The following PCDHGA9 variants were observed in gnomAD, a reference collection of about 807,000 sequenced individuals.
PCDHGA9 encodes protocadherin gamma-A9.
Under a neutral mutation model 62.5 loss-of-function variants are expected in PCDHGA9, and 37 were observed. That is an observed-to-expected ratio of 0.59 (90% CI 0.46 to 0.78). The LOEUF is 0.78. PCDHGA9 is among the 30% of genes least tolerant of loss of function. PCDHGA9 has a pLI of 0.00. For synonymous variants in PCDHGA9, 459 were observed against 484.6 expected, an observed-to-expected ratio of 0.95 and a Z score of 0.69; for missense variants, 1,138 against 1,166.2, an observed-to-expected ratio of 0.98 and a Z score of 0.35.
rs1370450155 is a variant in PCDHGA9, at chr5:141,431,480, G to T, written c.2424+26104G>T. On this transcript the variant is annotated intron_variant, in intron 1 of 3. Coordinates refer to ENST00000573521, the MANE Select transcript of PCDHGA9 (RefSeq NM_018921.3). This position sits in a 1 kb window ranked among gnomAD's most constrained non-coding sequence, Gnocchi z 4.8. Reference sequence around the variant, plus strand: ...TCTGGATGCGAACGACAACGCACCAGCGTTTGCTCAGCCCGAGTACCGCGC... The same window carrying T: ...TCTGGATGCGAACGACAACGCACCATCGTTTGCTCAGCCCGAGTACCGCGC... 3 of 1,613,924 alleles carry T rather than the reference G, an allele frequency of 1.9e-6. No individual in the cohort carries two copies. Among genetic ancestry groups the T allele is most frequent in the Non-Finnish European group, 2.5e-6 (3 of 1,179,990 alleles).
rs1307889557 is a variant in PCDHGA9, at chr5:141,486,267, C to G, written c.2425-8540C>G. On this transcript the variant is annotated intron_variant, in intron 1 of 3. Transcript: ENST00000573521. The surrounding 1 kb of genome is among the most constrained non-coding windows in gnomAD (Gnocchi z 5.0). ...GGAACCCTCCCCGAGAGTGCAGAAC[C>G]TGGCACTGTGGTGGCACTTATCAGT... 1 of 1,614,128 alleles carries G rather than the reference C, an allele frequency of 6.2e-7. No homozygotes were observed. Among genetic ancestry groups the G allele is most frequent in the South Asian group, 1.1e-5 (1 of 91,072 alleles).
At chr5:141,499,689 CTTT>C (rs545067566) in intron 2 of PCDHGA9, among the ~76,000 whole-genome samples, 2 of 119,848 alleles carry the variant, frequency 1.7e-5, no homozygotes, top group African/African-American at 3.1e-5. Context: ...TAACAGATGA[CTTT>C]TTTTTTTTTT....
In PCDHGA9 at chr5:141,490,291, C is replaced by T; in HGVS notation, c.2425-4516C>T. 6.2e-7 allele frequency: 1 copy of T among 1,614,212 alleles called. No homozygotes were observed. Among genetic ancestry groups the T allele is most frequent in the Non-Finnish European group, 8.5e-7 (1 of 1,180,048 alleles). On this transcript the variant is annotated intron_variant, in intron 1 of 3. Transcript: ENST00000573521. The surrounding 1 kb of genome is among the most constrained non-coding windows in gnomAD (Gnocchi z 5.4). ...TGTCAATGACAATGCCCCAGAGGTG[C>T]TATTGGCCTCTTTGGCCAACCCTGT...
chr5:141,431,916 T>C lies in PCDHGA9; in HGVS notation c.2424+26540T>C, dbSNP rs2097428336. 1 of 1,614,056 alleles carries C rather than the reference T, an allele frequency of 6.2e-7. No homozygotes were observed. Among genetic ancestry groups the C allele is most frequent in the Middle Eastern group, 1.6e-4 (1 of 6,062 alleles). ...GAAAACGGACAGGTGATCTGTTTCA[T>C]CCAAGGAAATCTGCCCTTTAAATTA... On this transcript the variant is annotated intron_variant, in intron 1 of 3. Transcript: ENST00000573521. The surrounding 1 kb of genome is among the most constrained non-coding windows in gnomAD (Gnocchi z 4.8).
chr5:141,431,697 G>T lies in PCDHGA9; in HGVS notation c.2424+26321G>T, dbSNP rs1303639699. 6.2e-7 allele frequency: 1 copy of T among 1,614,206 alleles called. No homozygotes were observed. Among genetic ancestry groups the T allele is most frequent in the Admixed American group, 1.7e-5 (1 of 60,024 alleles). ...GGGGAGTTGGACCACGAGGAGTCAG[G>T]ATTCTACCAGATGGAAGTGCAAGCA... On this transcript the variant is annotated intron_variant, in intron 1 of 3. Transcript: ENST00000573521. This position sits in a 1 kb window ranked among gnomAD's most constrained non-coding sequence, Gnocchi z 4.8.
rs1353509218 is a variant in PCDHGA9, at chr5:141,512,908, TTTATACTC to T, written c.*1737_*1744del. ...CCCTCTTCCTGTGTCTCACGCAAGTTTTATACTCTAATATTTATATGGCTTTTTTTCTT... is the reference window on the plus strand; with the variant it reads ...CCCTCTTCCTGTGTCTCACGCAAGTTTAATATTTATATGGCTTTTTTTCTT... On this transcript the variant is annotated 3_prime_UTR_variant, in exon 4 of 4. Transcript: ENST00000573521. 6.6e-6 allele frequency: 1 copy of T among 152,268 alleles called. No individual in the cohort carries two copies. Among genetic ancestry groups the T allele is most frequent in the Non-Finnish European group, 1.5e-5 (1 of 68,054 alleles). 9.4% of individuals were successfully genotyped at this position (152,268 alleles called of 1,614,324 possible).
intron 1 of PCDHGA9, chr5:141,418,485 A>T: frequency 6.2e-7 from 1 of 1,614,028 alleles, no homozygotes; most frequent in Non-Finnish European, 8.5e-7. Flanking sequence ...AGCGCTCACC[A>T]CTTGGTACTG....
Position 141,422,925 on chromosome 5 carries a change from T to G in PCDHGA9, c.2424+17549T>G, listed in dbSNP as rs568894245. On this transcript the variant is annotated intron_variant, in intron 1 of 3. Transcript: ENST00000573521. ...ACAATGCGCCCGAGATCCTGTACCC[T>G]GCCCTCCCCACAGACGGCTCCACTG... 1.9e-6 allele frequency: 3 copies of G among 1,614,202 alleles called. No individual in the cohort carries two copies. The Admixed American group carries it at 5.0e-5, about 27-fold the overall frequency.
intron 1 of PCDHGA9, chr5:141,419,306 C>A: frequency 1.9e-6 from 3 of 1,614,032 alleles, no homozygotes; most frequent in Non-Finnish European, 2.5e-6. Context: ...AGACTTCGGG[C>A]TCAACGGCCG....
chr5:141,465,171 G>T (rs969390966), intron 1 of PCDHGA9, among the ~76,000 whole-genome samples: 1 of 151,728 alleles, frequency 6.6e-6, no homozygotes, highest in Non-Finnish European at 1.5e-5. Flanking sequence ...TGTTTATGAA[G>T]AAATTTAATT....
intron 1 of PCDHGA9, chr5:141,415,748 T>TTG (rs2095929710): frequency 9.9e-7 from 1 of 1,008,886 alleles, no homozygotes; most frequent in South Asian, 2.7e-5. Context: ...AGGTTTTTTT[T>TTG]TTTTTTTTTT....
chr5:141,485,454 C>T lies in PCDHGA9; in HGVS notation c.2425-9353C>T. On this transcript the variant is annotated intron_variant, in intron 1 of 3. Transcript: ENST00000573521. This position sits in a 1 kb window ranked among gnomAD's most constrained non-coding sequence, Gnocchi z 5.7. Reference sequence around the variant, plus strand: ...ATCAAGAACCCAATCGACCGAGAGGCACTGTGTGGGCTCAGTGCCAGCTGC... The same window carrying T: ...ATCAAGAACCCAATCGACCGAGAGGTACTGTGTGGGCTCAGTGCCAGCTGC... The T allele has an allele frequency of 6.2e-7, 1 of 1,614,162 alleles. No homozygotes were observed. Among genetic ancestry groups the T allele is most frequent in the East Asian group, 2.2e-5 (1 of 44,868 alleles).
chr5:141,444,240 C>T (rs1017550385), intron 1 of PCDHGA9, among the ~76,000 whole-genome samples: 4 of 128,690 alleles, frequency 3.1e-5, no homozygotes, highest in African/African-American at 5.9e-5. Context: ...GGCATGCTCT[C>T]GGCTCACTGC....
intron 3 of PCDHGA9, among the ~76,000 whole-genome samples, chr5:141,507,479 C>T (rs1050741571): frequency 1.3e-5 from 2 of 152,198 alleles, no homozygotes; most frequent in East Asian, 1.9e-4. Flanking sequence ...GACTGCTGGC[C>T]TCCTGAGGCA....
intron 1 of PCDHGA9, among the ~76,000 whole-genome samples, chr5:141,466,246 A>G (rs1357175003): frequency 6.6e-6 from 1 of 152,100 alleles, no homozygotes; most frequent in Non-Finnish European, 1.5e-5. Flanking sequence ...TCATGGCTCA[A>G]TGCAGCCTTG....
chr5:141,479,109 A>G (rs925202951), intron 1 of PCDHGA9, among the ~76,000 whole-genome samples: 4 of 152,234 alleles, frequency 2.6e-5, no homozygotes, highest in Admixed American at 2.6e-4. Context: ...TATTTCAAGC[A>G]TTCTACTGGA....
At chr5:141,421,603 G>T (rs1207844782) in intron 1 of PCDHGA9, 4 of 1,613,758 alleles carry the variant, frequency 2.5e-6, no homozygotes, top group Non-Finnish European at 3.4e-6. Context: ...GGAAATAATA[G>T]ATATTAATGA....
intron 1 of PCDHGA9, chr5:141,418,385 G>T: frequency 6.2e-7 from 1 of 1,613,930 alleles, no homozygotes; most frequent in Non-Finnish European, 8.5e-7. Context: ...AAGTCCTAAC[G>T]AGTATTTCTC....
Position 141,485,739 on chromosome 5 carries a change from G to A in PCDHGA9, c.2425-9068G>A. 6.2e-7 allele frequency: 1 copy of A among 1,614,234 alleles called. No individual in the cohort carries two copies. Among genetic ancestry groups the A allele is most frequent in the Non-Finnish European group, 8.5e-7 (1 of 1,180,042 alleles). ...GATGTGAAGAAGCGCAGCGACGGCA[G>A]CCTGGTCCCAGAGCTGCTCCTGGAG... On this transcript the variant is annotated intron_variant, in intron 1 of 3. Transcript: ENST00000573521. The surrounding 1 kb of genome is among the most constrained non-coding windows in gnomAD (Gnocchi z 5.7).
Sources: allele counts gnomAD v4.1 joint callset (sites outside exome capture counted in the v4.1 genomes callset), GRCh38; gene constraint gnomAD v4.1.1; non-coding constraint Gnocchi (gnomAD v3.1); transcripts MANE v1.5; gene names NCBI Gene and HGNC (gene_info 2026-07-23, HGNC 2026-07-21).